HAUS7: variants seen among roughly 807,000 people sequenced by gnomAD.
HAUS7 encodes HAUS augmin like complex subunit 7.
A neutral mutation model predicts 28.4 loss-of-function variants in HAUS7; 3 were observed. That is an observed-to-expected ratio of 0.11 (90% CI 0.05 to 0.27). The LOEUF is 0.27. Among genes scored for constraint, HAUS7 ranks in the 10% least tolerant of loss-of-function variants. HAUS7 has a pLI of 1.00. For synonymous variants in HAUS7, 165 were observed against 132.1 expected (o/e 1.25, Z -1.71); for missense variants, 284 against 297.3 (o/e 0.96, Z 0.33).
chrX:153,453,804 C>T (rs2089267574), intron 9 of HAUS7, among the ~76,000 whole-genome samples: 2 of 109,184 alleles, frequency 1.8e-5, no homozygotes, highest in Non-Finnish European at 3.8e-5. Context: ...AAGCCTTTTC[C>T]CATTTTCCTT....
chrX:153,456,156 T>C (rs1410908929), intron 7 of HAUS7, 109 bp downstream of exon 7: 3 of 582,497 alleles, frequency 5.2e-6, no homozygotes, highest in Middle Eastern at 5.3e-4. Flanking sequence ...TTCTAGAACA[T>C]GTCAGGCCCG....
At chrX:153,491,419 T>G (rs1209966526) in intron 1 of HAUS7, among the ~76,000 whole-genome samples, 2 of 112,764 alleles carry the variant, frequency 1.8e-5, no homozygotes, top group Non-Finnish European at 3.8e-5. Flanking sequence ...AGGCTGCAGC[T>G]GACTCCAGGT....
intron 9 of HAUS7, among the ~76,000 whole-genome samples, chrX:153,453,465 A>T (rs1366353775): frequency 8.9e-6 from 1 of 111,928 alleles, no homozygotes; most frequent in Non-Finnish European, 1.9e-5. Flanking sequence ...TTTAAAAAAT[A>T]AATTAGAAGA....
chrX:153,461,748 G>A (rs1408854116), intron 4 of HAUS7: 7 of 228,831 alleles, frequency 3.1e-5, no homozygotes, highest in Admixed American at 7.2e-5. Context: ...AAGTGCCAGC[G>A]AGGACGAGGA....
intron 1 of HAUS7, chrX:153,482,479 G>A (rs115875499): frequency 0.014 from 10,783 of 755,085 alleles, 93 homozygotes; most frequent in East Asian, 0.11. Flanking sequence ...AGTTCCGGGG[G>A]CAGGGACCGA....
At position 153,456,342 on chromosome X, in the gene HAUS7, C is replaced by T. The variant is rs1179646492; in HGVS notation, c.628G>A (p.Glu210Lys). 2 of 1,209,426 alleles carry T rather than the reference C, an allele frequency of 1.7e-6. No individual in the cohort carries two copies. Among genetic ancestry groups the T allele is most frequent in the African/African-American group, 1.7e-5 (1 of 57,335 alleles). ...WQWASASAKSEEEEKLAELAR... is the reference protein window; with the variant it reads ...WQWASASAKSKEEEKLAELAR... ...AGCTCCGCCAGCTTCTCCTCCTCCT[C>T]GGACTTGGCAGAGGCACTGGCCCTG... Residue 210 changes from glutamate (E) to lysine (K), a missense_variant, in exon 7 of 10, where the codon GAG becomes AAG. Physicochemically the swap from Glu to Lys is moderately conservative, Grantham distance 56. Transcript: ENST00000370211.
intron 1 of HAUS7, 21 bp downstream of exon 1, chrX:153,470,429 G>C (rs782362416): frequency 1.7e-6 from 2 of 1,204,388 alleles, no homozygotes; most frequent in East Asian, 3.0e-5. Context: ...GCCCTGGAGT[G>C]GCTTTCTGGG....
chrX:153,465,927 A>G (rs2089449790), intron 2 of HAUS7, among the ~76,000 whole-genome samples: 1 of 112,507 alleles, frequency 8.9e-6, no homozygotes, highest in Non-Finnish European at 1.9e-5. Flanking sequence ...CTGCCACCAC[A>G]GCAGCCTTTC....
intron 1 of HAUS7, chrX:153,481,914 C>T (rs2089602613): frequency 1.3e-6 from 1 of 751,241 alleles, no homozygotes; most frequent in African/African-American, 2.3e-5. Flanking sequence ...CCTGCACCCC[C>T]ATGCCTTCAA....
intron 1 of HAUS7, chrX:153,486,586 C>T (rs1556988590): frequency 2.1e-6 from 2 of 941,907 alleles, no homozygotes; most frequent in Non-Finnish European, 2.8e-6. Flanking sequence ...CCCCGTCTTT[C>T]CGGGGTCTTC....
At chrX:153,447,949 T>C (rs782693286) in intron 9 of HAUS7, 40 bp from the exon 10 acceptor site, 1 of 1,070,377 alleles carries the variant, frequency 9.3e-7, no homozygotes, top group Non-Finnish European at 1.3e-6. Flanking sequence ...ATGGTGGGAG[T>C]GTAAACTAGT....
At chrX:153,468,979 C>T (rs1339962715) in intron 2 of HAUS7, among the ~76,000 whole-genome samples, 167 bp downstream of exon 2, 1 of 113,185 alleles carries the variant, frequency 8.8e-6, no homozygotes, top group Non-Finnish European at 1.9e-5. Flanking sequence ...TGCCTGTCAC[C>T]AGTACTCCTT....
chrX:153,451,311 T>G (rs1468914041), intron 9 of HAUS7, among the ~76,000 whole-genome samples: 1 of 112,659 alleles, frequency 8.9e-6, no homozygotes, highest in Non-Finnish European at 1.9e-5. Context: ...ATACCAATGA[T>G]CATTATAAGA....
chrX:153,471,866 G>A (rs994523680), upstream of HAUS7, among the ~76,000 whole-genome samples: 8 of 112,785 alleles, frequency 7.1e-5, no homozygotes, highest in Non-Finnish European at 1.5e-4. Flanking sequence ...CCTCAAGGTT[G>A]CTCTCTACCC....
At chrX:153,475,065 G>C (rs1162604773), upstream of HAUS7, among the ~76,000 whole-genome samples, 1 of 112,622 alleles carries the variant, frequency 8.9e-6, no homozygotes, top group East Asian at 2.8e-4. Context: ...GGCCGGGCCT[G>C]AGCTCCAGCT....
chrX:153,476,307 G>A (rs1399923639), intron 1 of HAUS7, among the ~76,000 whole-genome samples: 1 of 112,269 alleles, frequency 8.9e-6, no homozygotes, highest in East Asian at 2.8e-4. Context: ...CTGCCCAAAT[G>A]TCACTTTCTC....
Position 153,470,540 on chromosome X carries a change from A to G in HAUS7, c.18T>C (p.Ala6=). ...AGTCGTCGCCGCCACGGCCGCAGCC[A>G]GCGTCCTGCCCCGCCATGTTTCGCG... The part of the protein sequence containing the change: MAGQD[A]GCGRGGDDYS... The change falls in exon 1 of 10, where the codon GCT becomes GCC. Residue 6 remains alanine, a synonymous_variant. Coordinates refer to ENST00000370211, the MANE Select transcript of HAUS7 (RefSeq NM_001385482.1). The G allele has an allele frequency of 8.4e-7, 1 of 1,192,456 alleles. No individual in the cohort carries two copies.
upstream of HAUS7, among the ~76,000 whole-genome samples, chrX:153,473,245 C>G (rs1442083903): frequency 3.5e-5 from 4 of 112,810 alleles, no homozygotes; most frequent in African/African-American, 1.3e-4. Context: ...ACCCCCCAAT[C>G]CCCCAAAGAC....
intron 2 of HAUS7, 60 bp downstream of exon 2, chrX:153,469,086 T>A (rs781905218): frequency 3.3e-4 from 211 of 633,056 alleles, no homozygotes; most frequent in Non-Finnish European, 4.3e-4. Flanking sequence ...CTTCCCCAGG[T>A]GGGGCTGGCT....
Sources: allele counts gnomAD v4.1 joint callset (sites outside exome capture counted in the v4.1 genomes callset), GRCh38; gene constraint gnomAD v4.1.1; transcripts MANE v1.5; gene names NCBI Gene and HGNC (gene_info 2026-07-23, HGNC 2026-07-21).